Variants in BCKDHB observed in about 807,000 individuals in gnomAD.
BCKDHB encodes the protein 2-oxoisovalerate dehydrogenase subunit beta, mitochondrial.
In BCKDHB, 41 loss-of-function variants were observed where a neutral mutation model predicts 48.5. That is an observed-to-expected ratio of 0.85 (90% CI 0.66 to 1.10). BCKDHB has a LOEUF of 1.10. BCKDHB is among the 50% of genes least tolerant of loss of function. The pLI is 0.00. For missense variants in BCKDHB, 496 were observed against 494.2 expected, an observed-to-expected ratio of 1.00 and a Z score of -0.03; for synonymous variants, 201 against 174.8, an observed-to-expected ratio of 1.15 and a Z score of -1.18.
chr6:80,295,025 C>T (rs1767150069), intron 9 of BCKDHB, among the ~76,000 whole-genome samples: 1 of 152,132 alleles, frequency 6.6e-6, no homozygotes, highest in African/African-American at 2.4e-5. Context: ...AAAACACTTG[C>T]TGGTTTGAGG....
the BCKDHB span, among the ~76,000 whole-genome samples, chr6:80,444,875 T>A: frequency 6.6e-6 from 1 of 152,232 alleles, no homozygotes; most frequent in Non-Finnish European, 1.5e-5. Flanking sequence ...TGCATATTCT[T>A]ATGTTGCAAT....
At chr6:80,132,227 G>T (rs551591175) in intron 3 of BCKDHB, among the ~76,000 whole-genome samples, 1 of 151,576 alleles carries the variant, frequency 6.6e-6, no homozygotes, top group East Asian at 1.9e-4. Flanking sequence ...AAACTCTTCC[G>T]GACCCTCCAA....
intron 9 of BCKDHB, among the ~76,000 whole-genome samples, chr6:80,274,456 T>TA (rs1354129495): frequency 6.6e-6 from 1 of 151,902 alleles, no homozygotes; most frequent in Non-Finnish European, 1.5e-5. Flanking sequence ...ATACATTGAG[T>TA]AGCATAATAC....
the BCKDHB span, among the ~76,000 whole-genome samples, chr6:80,361,894 G>T: frequency 3.3e-5 from 5 of 152,236 alleles, no homozygotes; most frequent in Non-Finnish European, 5.9e-5. Context: ...GAAAGAACAC[G>T]CATGGGAGAG....
chr6:80,319,419 A>T (rs1270165742), intron 9 of BCKDHB, among the ~76,000 whole-genome samples: 1 of 152,226 alleles, frequency 6.6e-6, no homozygotes, highest in East Asian at 1.9e-4. Context: ...TAACAATATT[A>T]TTGTAATGTA....
chr6:80,216,737 A>C (rs1775190302), intron 8 of BCKDHB, among the ~76,000 whole-genome samples: 2 of 152,128 alleles, frequency 1.3e-5, no homozygotes, highest in African/African-American at 4.8e-5. Context: ...AAATGTGTTG[A>C]CTTTCTGTTC....
chr6:80,284,140 T>G (rs1371452403), intron 9 of BCKDHB, among the ~76,000 whole-genome samples: 2 of 152,124 alleles, frequency 1.3e-5, no homozygotes, highest in Non-Finnish European at 2.9e-5. Context: ...TCAACTCAGT[T>G]TGTGTTTTGT....
At chr6:80,265,597 G>C (rs1244606429) in intron 8 of BCKDHB, among the ~76,000 whole-genome samples, 1 of 152,058 alleles carries the variant, frequency 6.6e-6, no homozygotes, top group Non-Finnish European at 1.5e-5. Context: ...TGCTAGGGAA[G>C]ATAGATAAGG....
the BCKDHB span, among the ~76,000 whole-genome samples, chr6:80,370,563 C>T: frequency 6.6e-6 from 1 of 152,100 alleles, no homozygotes; most frequent in Non-Finnish European, 1.5e-5. Context: ...CATCCTTTCC[C>T]CTGAGTCCTC....
chr6:80,402,752 CTT>C, the BCKDHB span, among the ~76,000 whole-genome samples: 2 of 151,782 alleles, frequency 1.3e-5, no homozygotes, highest in African/African-American at 4.8e-5. Context: ...ACAATTAAGT[CTT>C]TAATCCATTT....
the BCKDHB span, among the ~76,000 whole-genome samples, chr6:80,415,751 G>C: frequency 6.6e-6 from 1 of 151,988 alleles, no homozygotes; most frequent in East Asian, 1.9e-4. Context: ...TTGCGTCTCT[G>C]CCAGGTTTTG....
intron 8 of BCKDHB, among the ~76,000 whole-genome samples, chr6:80,219,572 A>G (rs1291826750): frequency 1.3e-5 from 2 of 152,066 alleles, no homozygotes; most frequent in Non-Finnish European, 1.5e-5. Flanking sequence ...CTGCACAACA[A>G]TCACCAGGGA....
chr6:80,138,231 T>G (rs1770991828), intron 3 of BCKDHB, among the ~76,000 whole-genome samples: 1 of 152,100 alleles, frequency 6.6e-6, no homozygotes. Context: ...GTACTATATA[T>G]TTTTCCCTCA....
At chr6:80,379,891 T>C in the BCKDHB span, among the ~76,000 whole-genome samples, 518 of 151,936 alleles carry the variant, frequency 3.4e-3, 6 homozygotes, top group African/African-American at 0.012. Flanking sequence ...TTAACAAAGA[T>C]CTCTACAATA....
chr6:80,196,593 GAGT>G lies in BCKDHB; in HGVS notation c.743-4339_743-4337del, dbSNP rs1158867581. On this transcript the variant is annotated intron_variant, in intron 6 of 9. Coordinates refer to ENST00000320393, the MANE Select transcript of BCKDHB (RefSeq NM_183050.4). ...ATCTTGCATGATGCCTGCATATATT[GAGT>G]ATGCAGCAACTATTCAATGAAAAAT... Among the ~76,000 whole-genome samples, 32 of 152,138 alleles carry G rather than the reference GAGT, an allele frequency of 2.1e-4. No individual in the cohort carries two copies. In the Middle Eastern group the frequency reaches 0.014, roughly 65 times the overall value.
At chr6:80,459,477 G>C in the BCKDHB span, among the ~76,000 whole-genome samples, 1 of 152,098 alleles carries the variant, frequency 6.6e-6, no homozygotes, top group Non-Finnish European at 1.5e-5. Flanking sequence ...AAGGACTGGT[G>C]GTGGAGGTAA....
chr6:80,363,714 A>G, the BCKDHB span, among the ~76,000 whole-genome samples: 1 of 152,222 alleles, frequency 6.6e-6, no homozygotes, highest in South Asian at 2.1e-4. Context: ...CATGCTACCC[A>G]GAATATGCAA....
At chr6:80,381,302 C>T in the BCKDHB span, among the ~76,000 whole-genome samples, 1 of 151,980 alleles carries the variant, frequency 6.6e-6, no homozygotes, top group African/African-American at 2.4e-5. Context: ...TATATGCTAA[C>T]ATGTTTTGAA....
the BCKDHB span, among the ~76,000 whole-genome samples, chr6:80,392,907 T>C: frequency 7.1e-6 from 1 of 140,384 alleles, no homozygotes; most frequent in Admixed American, 7.5e-5. Context: ...TTAGTCTAAA[T>C]AACATACTTA....
Sources: allele counts gnomAD v4.1 joint callset (sites outside exome capture counted in the v4.1 genomes callset), GRCh38; gene constraint gnomAD v4.1.1; transcripts MANE v1.5; gene names NCBI Gene and HGNC (gene_info 2026-07-23, HGNC 2026-07-21).